Variants in L3MBTL1 observed in about 807,000 individuals in gnomAD.
L3MBTL1 encodes lethal(3)malignant brain tumor-like protein 1.
L3MBTL1 carries 75 observed loss-of-function variants against 105.3 expected under a neutral mutation model. The ratio of observed to expected loss-of-function variants is 0.71; its 90% CI spans 0.59 to 0.86. The LOEUF is 0.86. L3MBTL1 is among the 40% of genes least tolerant of loss of function. L3MBTL1 has a pLI of 0.00. For missense variants in L3MBTL1, 1,069 were observed against 1,126.4 expected (o/e 0.95, Z 0.73); for synonymous variants, 452 against 436.2 (o/e 1.04, Z -0.45).
At chr20:43,527,722 C>CT (rs113455397) in intron 7 of L3MBTL1, among the ~76,000 whole-genome samples, 2,483 of 141,776 alleles carry the variant, frequency 0.018, 35 homozygotes, top group African/African-American at 0.045. Flanking sequence ...AAAAGTGTTT[C>CT]TTTTTTTTTT....
In L3MBTL1 at chr20:43,531,109, T is replaced by TA. The variant is rs2019314119; in HGVS notation, c.1284+221dup. On this transcript the variant is annotated intron_variant, in intron 11 of 21. Transcript: ENST00000418998. ...TTCCCGACTTCCCTCCCTCCTTTGC[T>TA]ACTGCAGATACCCTGTCCTCACATC... The TA allele has an allele frequency of 5.4e-6, 3 of 557,968 alleles. No homozygotes were observed. In the Admixed American group the frequency reaches 1.0e-4, roughly 19 times the overall value. The allele number at this position is 557,968 out of a possible 1,614,324, so 34.6% of individuals were successfully genotyped here. A position where few individuals can be genotyped will look rare whatever the true frequency, so the allele number is the denominator to read the frequency against.
Position 43,528,735 on chromosome 20 carries a change from T to A in L3MBTL1, c.941T>A (p.Leu314His). 2 of 1,613,392 alleles carry A rather than the reference T, an allele frequency of 1.2e-6. No homozygotes were observed. The highest frequency in any genetic ancestry group is 1.7e-6 in the Non-Finnish European group (2 of 1,179,316). ...EQKAITAPVS[L>H]FQDSQAVTHN... Reference sequence around the variant, plus strand: ...AAGGCCATTACTGCTCCAGTCAGCCTCTTCCAGGACGTGAGTTGGACAATT... The same window carrying A: ...AAGGCCATTACTGCTCCAGTCAGCCACTTCCAGGACGTGAGTTGGACAATT... Residue 314 changes from leucine to histidine, a missense_variant, in exon 8 of 22, where the codon CTC becomes CAC. Coordinates refer to ENST00000418998, the MANE Select transcript of L3MBTL1 (RefSeq NM_001377303.1).
chr20:43,512,402 G>A (rs1240327922), intron 1 of L3MBTL1, among the ~76,000 whole-genome samples: 1 of 152,108 alleles, frequency 6.6e-6, no homozygotes, highest in Non-Finnish European at 1.5e-5. Context: ...TCAGAGACAG[G>A]GTCTCGCTAT....
At position 43,535,909 on chromosome 20, in the gene L3MBTL1, G is replaced by A; in HGVS notation, c.1898G>A (p.Arg633Lys). 1 of 1,613,466 alleles carries A rather than the reference G, an allele frequency of 6.2e-7. No individual in the cohort carries two copies. Among genetic ancestry groups the A allele is most frequent in the Non-Finnish European group, 8.5e-7 (1 of 1,179,700 alleles). Residue 633 changes from arginine (R) to lysine (K), a missense_variant, in exon 17 of 22, where the codon AGG (arginine) becomes AAG (lysine). Physicochemically the swap from Arg to Lys is conservative, Grantham distance 26. Coordinates refer to ENST00000418998, the MANE Select transcript of L3MBTL1 (RefSeq NM_001377303.1). ...AGCTATAGGAGCCTGCCCCACACTA[G>A]GACCTCCAAATACAGCTTTCACCAC... Reference protein sequence around the residue: ...PLSYRSLPHTRTSKYSFHHRK... With the variant: ...PLSYRSLPHTKTSKYSFHHRK...
intron 9 of L3MBTL1, among the ~76,000 whole-genome samples, chr20:43,529,899 T>C (rs547587658): frequency 6.6e-6 from 1 of 152,294 alleles, no homozygotes; most frequent in African/African-American, 2.4e-5. Context: ...CTTCAAGGAA[T>C]TGCCACTAGC....
chr20:43,542,827 T>C (rs900080834), downstream of L3MBTL1, among the ~76,000 whole-genome samples: 3 of 152,230 alleles, frequency 2.0e-5, no homozygotes, highest in African/African-American at 7.2e-5. Context: ...GTGTCATGTT[T>C]TTGAGGCTTC....
Position 43,534,269 on chromosome 20 carries a change from C to A in L3MBTL1, c.1600-15C>A, listed in dbSNP as rs1249121655. On this transcript the variant is annotated splice_polypyrimidine_tract_variant and intron_variant, in intron 14 of 21. Transcript: ENST00000418998. ...GAGCTGCGCCTTGCCCTGAAGGCAGCTGTCCCCTCTGCAGCGACCCCCTCA... is the reference window on the plus strand; with the variant it reads ...GAGCTGCGCCTTGCCCTGAAGGCAGATGTCCCCTCTGCAGCGACCCCCTCA... 2 of 1,609,234 alleles carry A rather than the reference C, an allele frequency of 1.2e-6. No individual in the cohort carries two copies. Among genetic ancestry groups the A allele is most frequent in the African/African-American group, 2.7e-5 (2 of 74,862 alleles).
rs1194086528 is a variant in L3MBTL1, at chr20:43,534,107, C to T, written c.1599+14C>T. 6.2e-7 allele frequency: 1 copy of T among 1,607,446 alleles called. No homozygotes were observed. Among genetic ancestry groups the T allele is most frequent in the Admixed American group, 1.7e-5 (1 of 60,018 alleles). On this transcript the variant is annotated intron_variant, in intron 14 of 21. Transcript: ENST00000418998. ...GCCTTCAAGGTGGTGAGTCAGTGCT[C>T]CCTGACCCCAGAGCTGAGCTCAGAA... is the stretch of plus-strand genomic sequence containing the variant.
intron 20 of L3MBTL1, 116 bp from the exon 21 acceptor site, chr20:43,540,637 G>T: frequency 9.9e-7 from 1 of 1,007,748 alleles, no homozygotes; most frequent in South Asian, 1.5e-5. Flanking sequence ...ATCCTTTTAG[G>T]CTGGTGAGAA....
intron 3 of L3MBTL1, 101 bp from the exon 4 acceptor site, chr20:43,514,534 C>CGT (rs904724709): frequency 1.3e-6 from 2 of 1,575,864 alleles, no homozygotes; most frequent in Admixed American, 3.7e-5. Context: ...CTGCTGAGGG[C>CGT]GTGAGCTGGC....
At chr20:43,547,293 GC>G (rs1978677019) in intron 18 of L3MBTL1, among the ~76,000 whole-genome samples, 1 of 151,776 alleles carries the variant, frequency 6.6e-6, no homozygotes, top group Non-Finnish European at 1.5e-5. Flanking sequence ...TTTAGTAGAA[GC>G]GGGGTTTCAC....
Position 43,528,751 on chromosome 20 carries a change from T to G in L3MBTL1, c.951+6T>G, listed in dbSNP as rs367731838. 56 of 1,607,960 alleles carry G rather than the reference T, an allele frequency of 3.5e-5. No individual in the cohort carries two copies. The highest frequency in any genetic ancestry group is 4.0e-5 in the African/African-American group (3 of 74,788). ...CAGTCAGCCTCTTCCAGGACGTGAGTTGGACAATTTCCCCGTAGGAACAGC... is the reference window on the plus strand; with the variant it reads ...CAGTCAGCCTCTTCCAGGACGTGAGGTGGACAATTTCCCCGTAGGAACAGC... On this transcript the variant is annotated splice_donor_region_variant and intron_variant, in intron 8 of 21. Transcript: ENST00000418998.
At chr20:43,545,322 G>A (rs887919153), downstream of L3MBTL1, among the ~76,000 whole-genome samples, 3 of 151,226 alleles carry the variant, frequency 2.0e-5, no homozygotes, top group Admixed American at 2.0e-4. Flanking sequence ...CTGAGATCAT[G>A]CCACCGTACT....
exon 19 of L3MBTL1, chr20:43,550,300 G>C (rs1197561118): frequency 6.6e-6 from 1 of 152,216 alleles, no homozygotes; most frequent in Non-Finnish European, 1.5e-5. Flanking sequence ...AAGGAGAGGG[G>C]CTGGGAGGGC....
chr20:43,530,442 ACAGTGAGG>A (rs2019273075), intron 10 of L3MBTL1, 23 bp downstream of exon 10: 8 of 1,611,206 alleles, frequency 5.0e-6, no homozygotes, highest in Non-Finnish European at 5.9e-6. Context: ...TGGGTTGGTC[ACAGTGAGG>A]CAGTGAGTCC....
At chr20:43,508,174 A>G (rs2018034138) in intron 1 of L3MBTL1, among the ~76,000 whole-genome samples, 1 of 151,666 alleles carries the variant, frequency 6.6e-6, no homozygotes, top group African/African-American at 2.4e-5. Flanking sequence ...TGGAATATGG[A>G]ATTTTTTTTG....
intron 4 of L3MBTL1, 46 bp downstream of exon 4, chr20:43,514,822 G>C (rs1316849478): frequency 6.6e-7 from 1 of 1,503,814 alleles, no homozygotes; most frequent in East Asian, 2.5e-5. Context: ...CTGTGCGGGT[G>C]GGGCGAGGCC....
intron 7 of L3MBTL1, among the ~76,000 whole-genome samples, chr20:43,525,365 C>T (rs972119828): frequency 1.3e-5 from 2 of 151,922 alleles, no homozygotes; most frequent in Non-Finnish European, 2.9e-5. Context: ...TCAGTGCCAC[C>T]GCTAGCCAAT....
chr20:43,511,512 T>A (rs894583776), intron 1 of L3MBTL1, among the ~76,000 whole-genome samples: 6 of 152,172 alleles, frequency 3.9e-5, no homozygotes, highest in Non-Finnish European at 5.9e-5. Flanking sequence ...CCGGACTCGA[T>A]GGCTCACGCC....
Sources: allele counts gnomAD v4.1 joint callset (sites outside exome capture counted in the v4.1 genomes callset), GRCh38; gene constraint gnomAD v4.1.1; transcripts MANE v1.5; gene names NCBI Gene and HGNC (gene_info 2026-07-23, HGNC 2026-07-21).